EPHA5: variants seen among roughly 807,000 people sequenced by gnomAD.
EPHA5 encodes the protein ephrin type-A receptor 5.
EPHA5 carries 60 observed loss-of-function variants against 105.0 expected under a neutral mutation model. The observed-to-expected ratio is 0.57, with a 90% confidence interval of 0.46 to 0.71. The LOEUF (loss-of-function observed/expected upper bound fraction) is 0.71, where lower values mean the gene tolerates loss of function less well. EPHA5 is among the 30% of genes least tolerant of loss of function. The pLI is 0.00. For synonymous variants in EPHA5, 513 were observed against 449.1 expected, an observed-to-expected ratio of 1.14 and a Z score of -1.80; for missense variants, 1,218 against 1,274.7, an observed-to-expected ratio of 0.96 and a Z score of 0.68.
At chr4:65,505,363 G>T (rs944466836) in intron 3 of EPHA5, among the ~76,000 whole-genome samples, 1 of 151,914 alleles carries the variant, frequency 6.6e-6, no homozygotes, top group African/African-American at 2.4e-5. Context: ...ATGAACAAAT[G>T]GCACTTTTGA....
chr4:65,468,426 T>C (rs958357432), intron 5 of EPHA5, among the ~76,000 whole-genome samples: 9 of 149,142 alleles, frequency 6.0e-5, no homozygotes, highest in Admixed American at 4.1e-4. Flanking sequence ...AAATATAAAA[T>C]AATTTATAAA....
chr4:65,465,219 C>T lies in EPHA5; in HGVS notation c.1402+25158G>A, dbSNP rs1728495639. On this transcript the variant is annotated intron_variant, in intron 5 of 16. Transcript: ENST00000613740. ...TTGGGAGGCAGAAGCAGGCGGTTCA[C>T]AGGGTCAGGAGTTCAAGACCAGCCT... 4.0e-5 allele frequency among the ~76,000 whole-genome samples: 6 copies of T among 151,880 alleles called. No homozygotes were observed. In the South Asian group the frequency reaches 1.2e-3, roughly 32 times the overall value.
chr4:65,357,454 A>G (rs1280949029), intron 11 of EPHA5, among the ~76,000 whole-genome samples: 1 of 151,564 alleles, frequency 6.6e-6, no homozygotes, highest in Non-Finnish European at 1.5e-5. Flanking sequence ...AAACTTGGGA[A>G]TCACAAATAT....
chr4:65,354,754 T>C (rs563164793), intron 11 of EPHA5, among the ~76,000 whole-genome samples: 17 of 151,780 alleles, frequency 1.1e-4, no homozygotes, highest in Middle Eastern at 3.4e-3. Context: ...ATATGATTAA[T>C]ACATATGAAA....
intron 5 of EPHA5, among the ~76,000 whole-genome samples, chr4:65,437,056 G>T (rs940345759): frequency 1.3e-5 from 2 of 151,962 alleles, no homozygotes; most frequent in African/African-American, 4.8e-5. Context: ...GATATTTGAA[G>T]AATATGTAAA....
intron 2 of EPHA5, among the ~76,000 whole-genome samples, chr4:65,642,014 T>C (rs1167714577): frequency 6.6e-6 from 1 of 152,088 alleles, no homozygotes; most frequent in Non-Finnish European, 1.5e-5. Flanking sequence ...ACCATACGTA[T>C]ACTCTCATAG....
intron 1 of EPHA5, among the ~76,000 whole-genome samples, chr4:65,646,120 T>C (rs921637669): frequency 1.3e-5 from 2 of 152,168 alleles, no homozygotes; most frequent in African/African-American, 2.4e-5. Flanking sequence ...TAACGTTTCC[T>C]TTGTCCTTCA....
intron 5 of EPHA5, among the ~76,000 whole-genome samples, chr4:65,485,477 A>C (rs1489456625): frequency 1.3e-5 from 2 of 152,146 alleles, no homozygotes; most frequent in Non-Finnish European, 2.9e-5. Flanking sequence ...TTTTCCTTAA[A>C]ATTTTGTAGC....
In EPHA5 at chr4:65,331,960, A is replaced by G; in HGVS notation, c.2945+13T>C. On this transcript the variant is annotated intron_variant, in intron 16 of 16. Transcript: ENST00000613740. ...CCAGCAATTATGTAAAAATTATCAG[A>G]AAAATTACTCACTCCAAGGTCACCT... is the stretch of plus-strand genomic sequence containing the variant. 1 of 1,569,494 alleles carries G rather than the reference A, an allele frequency of 6.4e-7. No individual in the cohort carries two copies. Among genetic ancestry groups the G allele is most frequent in the Non-Finnish European group, 8.6e-7 (1 of 1,159,898 alleles).
intron 3 of EPHA5, among the ~76,000 whole-genome samples, chr4:65,530,875 A>G (rs1055204009): frequency 6.6e-6 from 1 of 152,178 alleles, no homozygotes; most frequent in Non-Finnish European, 1.5e-5. Context: ...ATAAGCTGAC[A>G]TTTATCACCT....
intron 7 of EPHA5, among the ~76,000 whole-genome samples, chr4:65,408,461 T>C (rs2149001491): frequency 6.6e-6 from 1 of 152,196 alleles, no homozygotes; most frequent in South Asian, 2.1e-4. Flanking sequence ...AGGTCATCAA[T>C]TATAAAAATT....
At chr4:65,561,801 A>G (rs1739042427) in intron 3 of EPHA5, among the ~76,000 whole-genome samples, 1 of 152,112 alleles carries the variant, frequency 6.6e-6, no homozygotes, top group Non-Finnish European at 1.5e-5. Flanking sequence ...AGAAGGGGAA[A>G]CCATTCTAGG....
intron 16 of EPHA5, among the ~76,000 whole-genome samples, chr4:65,328,090 A>C (rs546919259): frequency 6.6e-6 from 1 of 151,358 alleles, no homozygotes; most frequent in Non-Finnish European, 1.5e-5. Flanking sequence ...TCCCATTATA[A>C]GTATGACACA....
chr4:65,655,428 T>G (rs1327360173), intron 1 of EPHA5, among the ~76,000 whole-genome samples: 2 of 152,204 alleles, frequency 1.3e-5, no homozygotes, highest in East Asian at 3.8e-4. Flanking sequence ...AATTCTTATG[T>G]TCACTTAACT....
At chr4:65,462,029 C>T (rs1278034554) in intron 5 of EPHA5, among the ~76,000 whole-genome samples, 1 of 151,994 alleles carries the variant, frequency 6.6e-6, no homozygotes, top group Non-Finnish European at 1.5e-5. Context: ...AGATAGTAGA[C>T]AGATTGATAG....
chr4:65,403,157 T>A (rs1041201371), intron 8 of EPHA5, among the ~76,000 whole-genome samples: 9 of 152,172 alleles, frequency 5.9e-5, no homozygotes, highest in Non-Finnish European at 1.5e-5. Flanking sequence ...TCATATACAA[T>A]GAGGAAATGT....
At chr4:65,619,776 A>C (rs976539274) in intron 2 of EPHA5, among the ~76,000 whole-genome samples, 4 of 151,986 alleles carry the variant, frequency 2.6e-5, no homozygotes, top group African/African-American at 9.7e-5. Flanking sequence ...CAATTTAATG[A>C]AGTTATACTT....
chr4:65,340,730 C>A (rs924868778), intron 14 of EPHA5, among the ~76,000 whole-genome samples: 3 of 152,130 alleles, frequency 2.0e-5, no homozygotes, highest in African/African-American at 7.2e-5. Flanking sequence ...TTTTCTGAAC[C>A]TATGCGAAGT....
rs951091294 is a variant in EPHA5, at chr4:65,321,669, A to T, written c.*2445T>A. The stretch of plus-strand genomic sequence containing the variant: ...ATTGCAAAGAAGGCAAATAAATTTG[A>T]TCCAAATTAATTTATATTCTTCCTT... On this transcript the variant is annotated 3_prime_UTR_variant, in exon 17 of 17. Transcript: ENST00000613740. The T allele has an allele frequency of 3.5e-5, 8 of 229,160 alleles. No homozygotes were observed. The highest frequency in any genetic ancestry group is 1.1e-4 in the Admixed American group (2 of 17,568). 14.2% of individuals were successfully genotyped at this position (229,160 alleles called of 1,614,324 possible).
Sources: allele counts gnomAD v4.1 joint callset (sites outside exome capture counted in the v4.1 genomes callset), GRCh38; gene constraint gnomAD v4.1.1; transcripts MANE v1.5; gene names NCBI Gene and HGNC (gene_info 2026-07-23, HGNC 2026-07-21).